The following LAMB4 variants were observed in gnomAD, a reference collection of about 807,000 sequenced individuals.
LAMB4 encodes laminin subunit beta-4.
Under a neutral mutation model 199.2 loss-of-function variants are expected in LAMB4, and 196 were observed. That is an observed-to-expected ratio of 0.98 (90% CI 0.88 to 1.11). The LOEUF (loss-of-function observed/expected upper bound fraction) is 1.11, where lower values mean the gene tolerates loss of function less well. Among genes scored for constraint, LAMB4 ranks in the 50% least tolerant of loss-of-function variants. LAMB4 has a pLI of 0.00. For missense variants in LAMB4, 2,080 were observed against 2,171.2 expected (o/e 0.96, Z 0.83); for synonymous variants, 744 against 770.6 (o/e 0.97, Z 0.57).
intron 25 of LAMB4, among the ~76,000 whole-genome samples, chr7:108,053,615 A>T (rs914985818): frequency 2.0e-5 from 3 of 152,184 alleles, no homozygotes; most frequent in African/African-American, 7.2e-5. Flanking sequence ...AGGAGGGAAC[A>T]GGCCTCTGGG....
intron 1 of LAMB4, among the ~76,000 whole-genome samples, chr7:108,125,756 T>C (rs1456967217): frequency 6.6e-6 from 1 of 152,260 alleles, no homozygotes; most frequent in Admixed American, 6.5e-5. Context: ...GGAACTGTAA[T>C]GCTGAACGCA....
rs201807198 is a variant in LAMB4 at position 108,034,213 on chromosome 7, G to T, written c.4813C>A (p.Leu1605Met). The T allele has an allele frequency of 2.3e-5, 37 of 1,613,950 alleles. No homozygotes were observed. In the African/African-American group the frequency reaches 4.5e-4, roughly 20 times the overall value. The change falls in exon 31 of 34, where the codon CTG becomes ATG. Residue 1605 changes from leucine to methionine, a missense_variant. Coordinates refer to ENST00000388781, the MANE Select transcript of LAMB4 (RefSeq NM_007356.3). ...ANITKIKKNV[L>M]QAENQTREMK... Reference sequence around the variant, plus strand: ...GTTTCAAAGAAGACAAATACCTGCAGCACATTCTTTTTTATTTTTGTTATA... The same window carrying T: ...GTTTCAAAGAAGACAAATACCTGCATCACATTCTTTTTTATTTTTGTTATA...
intron 14 of LAMB4, among the ~76,000 whole-genome samples, chr7:108,084,627 G>C (rs2150590523): frequency 6.6e-6 from 1 of 152,218 alleles, no homozygotes; most frequent in South Asian, 2.1e-4. Context: ...TGGGATTTCA[G>C]TGAGACTCAA....
chr7:108,050,800 G>C (rs1237379111), intron 26 of LAMB4, among the ~76,000 whole-genome samples: 2 of 152,094 alleles, frequency 1.3e-5, no homozygotes, highest in African/African-American at 4.8e-5. Flanking sequence ...CTCCTACCCT[G>C]TGGAGATAAT....
At chr7:108,068,228 G>T (rs1339412674) in intron 18 of LAMB4, 69 bp from the exon 19 acceptor site, 31 of 1,522,550 alleles carry the variant, frequency 2.0e-5, no homozygotes, top group Non-Finnish European at 2.7e-5. Flanking sequence ...CTTGTTAGTA[G>T]CTATAGTTCA....
At chr7:108,064,184 T>C (rs1417595585) in intron 21 of LAMB4, among the ~76,000 whole-genome samples, 199 bp from the exon 22 acceptor site, 2 of 152,196 alleles carry the variant, frequency 1.3e-5, no homozygotes, top group Non-Finnish European at 2.9e-5. Flanking sequence ...AATAAAATGA[T>C]TATTCGGCTC....
intron 29 of LAMB4, among the ~76,000 whole-genome samples, chr7:108,040,486 A>G (rs879035472): frequency 6.6e-6 from 1 of 152,340 alleles, no homozygotes; most frequent in East Asian, 1.9e-4. Flanking sequence ...AGCTAGAGAC[A>G]TCGTGCTATC....
chr7:108,121,025 C>T (rs2038580398), intron 2 of LAMB4, among the ~76,000 whole-genome samples: 1 of 152,134 alleles, frequency 6.6e-6, no homozygotes, highest in Admixed American at 6.5e-5. Flanking sequence ...AGTTTCATGC[C>T]TGAACATAGA....
At chr7:108,087,910 C>T (rs897824398) in intron 14 of LAMB4, among the ~76,000 whole-genome samples, 2 of 152,194 alleles carry the variant, frequency 1.3e-5, no homozygotes, top group Non-Finnish European at 2.9e-5. Flanking sequence ...CATTTCTATT[C>T]ATGAGGGTAA....
At chr7:108,035,384 T>C (rs1032909574) in intron 30 of LAMB4, among the ~76,000 whole-genome samples, 5 of 151,666 alleles carry the variant, frequency 3.3e-5, no homozygotes, top group South Asian at 2.1e-4. Context: ...CTACTAAAAA[T>C]GCAAAAAATT....
the LAMB4 span, among the ~76,000 whole-genome samples, chr7:108,018,220 C>T: frequency 3.9e-5 from 6 of 152,240 alleles, no homozygotes; most frequent in African/African-American, 1.4e-4. Flanking sequence ...CAGTTTTAAT[C>T]CACAAGGGCA....
chr7:108,049,988 C>T (rs946792596), intron 26 of LAMB4, among the ~76,000 whole-genome samples: 1 of 152,162 alleles, frequency 6.6e-6, no homozygotes, highest in Non-Finnish European at 1.5e-5. Flanking sequence ...CCGTATAGAG[C>T]AGGAGTTGAC....
At chr7:108,059,798 G>C (rs2036102511) in intron 23 of LAMB4, among the ~76,000 whole-genome samples, 1 of 152,176 alleles carries the variant, frequency 6.6e-6, no homozygotes, top group Admixed American at 6.5e-5. Context: ...ATTTATGCAA[G>C]GGATTTAAAA....
chr7:108,017,103 G>A, the LAMB4 span, among the ~76,000 whole-genome samples: 1 of 152,158 alleles, frequency 6.6e-6, no homozygotes, highest in South Asian at 2.1e-4. Flanking sequence ...CAAAAACTCT[G>A]TACATTCTGA....
In LAMB4 at chr7:108,090,618, A is replaced by G. The variant is rs150073574; in HGVS notation, c.1701+1008T>C. Among the ~76,000 whole-genome samples the G allele has an allele frequency of 5.6e-3, 851 of 152,256 alleles. 10 individuals carry two copies. Among genetic ancestry groups the G allele is most frequent in the African/African-American group, 0.019 (797 of 41,550 alleles). On this transcript the variant is annotated intron_variant, in intron 14 of 33. Coordinates refer to ENST00000388781, the MANE Select transcript of LAMB4 (RefSeq NM_007356.3). ...TTGGTAATAGGATAAACATTTGTTCAGTATGTGCCGTGCTGGGGGTGCTAC... is the reference window on the plus strand; with the variant it reads ...TTGGTAATAGGATAAACATTTGTTCGGTATGTGCCGTGCTGGGGGTGCTAC...
chr7:108,053,877 A>C (rs919542958), intron 25 of LAMB4, among the ~76,000 whole-genome samples: 4 of 152,218 alleles, frequency 2.6e-5, no homozygotes, highest in Admixed American at 1.3e-4. Context: ...TGGGCTATAC[A>C]GTAGGGCTTC....
At position 108,066,497 on chromosome 7, in the gene LAMB4, G is replaced by A; in HGVS notation, c.2550C>T (p.Cys850=). The A allele has an allele frequency of 6.2e-7, 1 of 1,614,126 alleles. No homozygotes were observed. Among genetic ancestry groups the A allele is most frequent in the Non-Finnish European group, 8.5e-7 (1 of 1,179,998 alleles). The part of the protein sequence containing the change: ...GEVSGRRCDR[C]LAGYFGFPSC... ...TGGGAAATCCAAAGTAGCCTGCCAG[G>A]CAGCGATCACAGCGGCGGCCAGACA... Residue 850 remains cysteine, a synonymous_variant, in exon 20 of 34, where the codon TGC becomes TGT. Coordinates refer to ENST00000388781, the MANE Select transcript of LAMB4 (RefSeq NM_007356.3).
At chr7:108,069,934 A>G in intron 17 of LAMB4, 49 bp from the exon 18 acceptor site, 5 of 1,468,470 alleles carry the variant, frequency 3.4e-6, no homozygotes, top group Non-Finnish European at 4.7e-6. Flanking sequence ...TCTGCTGTGT[A>G]CGATTCTACT....
At chr7:108,093,364 C>T (rs930589298) in intron 12 of LAMB4, among the ~76,000 whole-genome samples, 2 of 152,178 alleles carry the variant, frequency 1.3e-5, no homozygotes, top group African/African-American at 2.4e-5. Flanking sequence ...CAGGCTCGGC[C>T]GTGTAACTGC....
Sources: allele counts gnomAD v4.1 joint callset (sites outside exome capture counted in the v4.1 genomes callset), GRCh38; gene constraint gnomAD v4.1.1; transcripts MANE v1.5; gene names NCBI Gene and HGNC (gene_info 2026-07-23, HGNC 2026-07-21).